Variants in RBFOX1 observed in about 807,000 individuals in gnomAD.
The protein encoded by RBFOX1 is RNA binding protein fox-1 homolog 1.
Under a neutral mutation model 57.7 loss-of-function variants are expected in RBFOX1, and 8 were observed. The observed-to-expected ratio is 0.14, with a 90% confidence interval of 0.08 to 0.25. RBFOX1 has a LOEUF of 0.25. Ranked by LOEUF, RBFOX1 falls within the 10% of genes least tolerant of loss-of-function variation. The pLI is 1.00. For missense variants in RBFOX1, 611 were observed against 548.5 expected (o/e 1.11, Z -1.14); for synonymous variants, 326 against 222.4 (o/e 1.47, Z -4.15).
intron 4 of RBFOX1, among the ~76,000 whole-genome samples, chr16:7,366,537 C>T (rs2097452584): frequency 6.6e-6 from 1 of 152,198 alleles, no homozygotes; most frequent in Admixed American, 6.5e-5. Flanking sequence ...TGTCCTTCCT[C>T]CCTGGTCCAA....
At chr16:6,916,397 C>G (rs747836997) in intron 3 of RBFOX1, among the ~76,000 whole-genome samples, 22 of 152,028 alleles carry the variant, frequency 1.4e-4, no homozygotes, top group Admixed American at 9.8e-4. Context: ...TGTAGGTTTT[C>G]ATTTCTCTTG....
At chr16:5,770,709 G>T (rs951762584) in intron 3 of RBFOX1, among the ~76,000 whole-genome samples, 1 of 152,138 alleles carries the variant, frequency 6.6e-6, no homozygotes, top group East Asian at 1.9e-4. Context: ...CCTCAGTTTT[G>T]GTGCTCGCCT....
chr16:7,381,188 C>A (rs910435447), intron 4 of RBFOX1, among the ~76,000 whole-genome samples: 19 of 152,196 alleles, frequency 1.2e-4, no homozygotes, highest in African/African-American at 4.1e-4. Flanking sequence ...AAAACAGCCT[C>A]TCATCTCAGG....
At chr16:6,825,943 G>A (rs967406549) in intron 3 of RBFOX1, among the ~76,000 whole-genome samples, 2 of 152,122 alleles carry the variant, frequency 1.3e-5, no homozygotes, top group African/African-American at 2.4e-5. Context: ...GTACCGCAGG[G>A]TGCTCATCCT....
chr16:6,889,697 A>G (rs1322725746), intron 3 of RBFOX1, among the ~76,000 whole-genome samples: 1 of 152,186 alleles, frequency 6.6e-6, no homozygotes, highest in Non-Finnish European at 1.5e-5. Flanking sequence ...GTTGTTTAAT[A>G]AATTCTTGAA....
chr16:7,688,209 T>C (rs1379203368), intron 14 of RBFOX1, among the ~76,000 whole-genome samples: 1 of 144,178 alleles, frequency 6.9e-6, no homozygotes, highest in African/African-American at 2.6e-5. Flanking sequence ...TAGGCATCCT[T>C]GGCAGGTTTA....
At chr16:5,565,342 A>G (rs1221673596) in intron 2 of RBFOX1, among the ~76,000 whole-genome samples, 1 of 152,144 alleles carries the variant, frequency 6.6e-6, no homozygotes, top group South Asian at 2.1e-4. Context: ...TTTGCAAGTC[A>G]TGGCCGGGCG....
chr16:6,425,239 GA>G (rs1018936499), intron 2 of RBFOX1, among the ~76,000 whole-genome samples: 3 of 152,178 alleles, frequency 2.0e-5, no homozygotes, highest in African/African-American at 7.2e-5. Context: ...AGACAGGAAG[GA>G]GAGTATGGTC....
chr16:7,634,015 G>C (rs892306784), intron 11 of RBFOX1, among the ~76,000 whole-genome samples: 1 of 152,044 alleles, frequency 6.6e-6, no homozygotes, highest in African/African-American at 2.4e-5. Context: ...ACACACACAC[G>C]AGTTATATTC....
At chr16:7,273,866 T>TTA (rs1464434693) in intron 4 of RBFOX1, among the ~76,000 whole-genome samples, 2 of 152,378 alleles carry the variant, frequency 1.3e-5, no homozygotes, top group Admixed American at 1.3e-4. Flanking sequence ...CATAATTTCA[T>TTA]TATCTGCCAT....
At chr16:5,981,831 C>T (rs919944398) in intron 4 of RBFOX1, among the ~76,000 whole-genome samples, 3 of 152,180 alleles carry the variant, frequency 2.0e-5, no homozygotes, top group African/African-American at 7.2e-5. Context: ...TGACAATGTG[C>T]ATGGGATATT....
intron 4 of RBFOX1, among the ~76,000 whole-genome samples, chr16:7,207,958 G>C (rs1307798662): frequency 6.6e-6 from 1 of 152,178 alleles, no homozygotes; most frequent in African/African-American, 2.4e-5. Flanking sequence ...AAGCTTCTCA[G>C]TTACCTTTAT....
intron 3 of RBFOX1, among the ~76,000 whole-genome samples, chr16:6,953,507 T>A (rs895264770): frequency 6.6e-6 from 1 of 152,126 alleles, no homozygotes; most frequent in Non-Finnish European, 1.5e-5. Flanking sequence ...TGCTTCAGCC[T>A]CCCGAGTAGC....
intron 4 of RBFOX1, among the ~76,000 whole-genome samples, chr16:7,332,568 C>T (rs2096712081): frequency 6.6e-6 from 1 of 152,026 alleles, no homozygotes; most frequent in Admixed American, 6.6e-5. Context: ...CCTAAAAATC[C>T]CATGTAGACC....
chr16:6,930,115 C>T (rs752809951), intron 3 of RBFOX1, among the ~76,000 whole-genome samples: 16 of 152,150 alleles, frequency 1.1e-4, no homozygotes, highest in Non-Finnish European at 2.1e-4. Context: ...TGTTGAGAAG[C>T]TCCATGTGAG....
At chr16:7,186,155 C>A (rs377615076) in intron 4 of RBFOX1, among the ~76,000 whole-genome samples, 1 of 151,194 alleles carries the variant, frequency 6.6e-6, no homozygotes, top group African/African-American at 2.4e-5. Context: ...TATCATGATA[C>A]TTATCTCTAA....
chr16:7,068,037 A>C (rs1598601953), intron 4 of RBFOX1, among the ~76,000 whole-genome samples: 1 of 138,536 alleles, frequency 7.2e-6, no homozygotes, highest in African/African-American at 2.8e-5. Context: ...TCATGGTTTG[A>C]CTCTCTCGTG....
chr16:6,131,149 G>A (rs1411791292), intron 1 of RBFOX1, among the ~76,000 whole-genome samples: 1 of 152,158 alleles, frequency 6.6e-6, no homozygotes, highest in African/African-American at 2.4e-5. Context: ...TAGAGCTTTG[G>A]GTTCTGACTA....
At chr16:7,209,309 T>G (rs2090642279) in intron 4 of RBFOX1, among the ~76,000 whole-genome samples, 1 of 152,094 alleles carries the variant, frequency 6.6e-6, no homozygotes, top group Non-Finnish European at 1.5e-5. Context: ...CATTCCAGCG[T>G]AGGCGACAAG....
Sources: gnomAD v4.1 joint callset for allele counts (sites outside exome capture counted in the v4.1 genomes callset) on GRCh38, gnomAD v4.1.1 for gene constraint, MANE v1.5 for transcripts, NCBI Gene and HGNC (gene_info 2026-07-23, HGNC 2026-07-21) for gene names.